DIP2C: variants seen among roughly 807,000 people sequenced by gnomAD.
The protein encoded by DIP2C is DIP2 acetate--CoA ligase C (putative).
In DIP2C, 33 loss-of-function variants were observed where a neutral mutation model predicts 192.4. The observed-to-expected ratio is 0.17, with a 90% CI of 0.13 to 0.23. The LOEUF is 0.23. DIP2C is among the 10% of genes least tolerant of loss of function. DIP2C has a pLI of 1.00. For synonymous variants in DIP2C, 979 were observed against 864.1 expected, an observed-to-expected ratio of 1.13 and a Z score of -2.33; for missense variants, 1,537 against 2,110.1, an observed-to-expected ratio of 0.73 and a Z score of 5.32.
chr10:431,763 T>C (rs896357326), intron 4 of DIP2C, among the ~76,000 whole-genome samples: 1 of 152,236 alleles, frequency 6.6e-6, no homozygotes, highest in African/African-American at 2.4e-5. Context: ...CTAGGACTTC[T>C]AGTACAATGT....
At chr10:527,491 T>C (rs557267937) in intron 1 of DIP2C, among the ~76,000 whole-genome samples, 1 of 152,350 alleles carries the variant, frequency 6.6e-6, no homozygotes, top group Admixed American at 6.5e-5. Context: ...TATTCCCTCA[T>C]TTCTACTTGC....
intron 1 of DIP2C, among the ~76,000 whole-genome samples, chr10:622,620 C>T (rs1049599529): frequency 6.6e-6 from 1 of 152,176 alleles, no homozygotes; most frequent in Non-Finnish European, 1.5e-5. Flanking sequence ...CTTGCCCTTT[C>T]GCCGATGGGC....
At chr10:430,872 ATC>A (rs1338322419) in intron 4 of DIP2C, among the ~76,000 whole-genome samples, 1 of 152,132 alleles carries the variant, frequency 6.6e-6, no homozygotes, top group Non-Finnish European at 1.5e-5. Flanking sequence ...TGGCTCTGTG[ATC>A]TGTTTAATTT....
At chr10:604,546 C>G (rs1392294138) in intron 1 of DIP2C, among the ~76,000 whole-genome samples, 1 of 152,226 alleles carries the variant, frequency 6.6e-6, no homozygotes, top group African/African-American at 2.4e-5. Context: ...GCGTCATGAG[C>G]GCAAGCGTGC....
At chr10:347,987 G>A (rs563291316) in intron 26 of DIP2C, among the ~76,000 whole-genome samples, 140 of 136,966 alleles carry the variant, frequency 1.0e-3, no homozygotes, top group Non-Finnish European at 1.5e-3. Context: ...ACACCCAGAT[G>A]CGTCGCGCAT....
intron 31 of DIP2C, among the ~76,000 whole-genome samples, chr10:315,446 C>T (rs1281910515): frequency 6.6e-6 from 1 of 152,296 alleles, no homozygotes; most frequent in South Asian, 2.1e-4. Context: ...TAAGTATCTG[C>T]TTTTCTCTTC....
chr10:274,317 T>C lies in DIP2C; in HGVS notation c.*3008A>G, dbSNP rs1390738462. ...TGCCCACATCAAAATTTAAACATTTTTCAAAGTATGATTATCTGTACTAAG... is the reference window on the plus strand; with the variant it reads ...TGCCCACATCAAAATTTAAACATTTCTCAAAGTATGATTATCTGTACTAAG... On this transcript the variant is annotated 3_prime_UTR_variant, in exon 37 of 37. Transcript: ENST00000280886. The C allele has an allele frequency of 6.6e-6, 1 of 152,240 alleles. No individual in the cohort carries two copies. The highest frequency in any genetic ancestry group is 2.4e-5 in the African/African-American group (1 of 41,468). 9.4% of individuals were successfully genotyped at this position (152,240 alleles called of 1,614,324 possible). A position where few individuals can be genotyped will look rare whatever the true frequency, so the allele number is the denominator to read the frequency against.
At chr10:343,517 G>A (rs1052883491) in intron 28 of DIP2C, among the ~76,000 whole-genome samples, 1 of 152,170 alleles carries the variant, frequency 6.6e-6, no homozygotes, top group Non-Finnish European at 1.5e-5. Flanking sequence ...TTTCGTAACT[G>A]TTTTACTATA....
At chr10:299,244 G>GT (rs1456938559) in intron 32 of DIP2C, among the ~76,000 whole-genome samples, 2 of 152,152 alleles carry the variant, frequency 1.3e-5, no homozygotes, top group African/African-American at 4.8e-5. Flanking sequence ...TTACAGAACA[G>GT]TTATCAGTTT....
intron 9 of DIP2C, among the ~76,000 whole-genome samples, chr10:407,122 T>A (rs1964862689): frequency 6.6e-6 from 1 of 152,172 alleles, no homozygotes; most frequent in South Asian, 2.1e-4. Context: ...CAGCTCTGCG[T>A]GAATCACTTT....
intron 4 of DIP2C, among the ~76,000 whole-genome samples, chr10:439,054 C>G (rs781415270): frequency 6.6e-6 from 1 of 152,152 alleles, no homozygotes; most frequent in Non-Finnish European, 1.5e-5. Context: ...CCATGTTTTC[C>G]GGGCTGGTCT....
At chr10:464,036 A>G (rs1291131409) in intron 3 of DIP2C, among the ~76,000 whole-genome samples, 2 of 152,238 alleles carry the variant, frequency 1.3e-5, no homozygotes, top group Non-Finnish European at 2.9e-5. Context: ...TAAAACCATA[A>G]AAACTCTACA....
At chr10:386,074 G>A (rs1962874362) in intron 14 of DIP2C, among the ~76,000 whole-genome samples, 1 of 152,186 alleles carries the variant, frequency 6.6e-6, no homozygotes, top group African/African-American at 2.4e-5. Context: ...CCTCAGAGAG[G>A]CGGCCCCGCG....
chr10:647,733 G>C (rs1371788991), intron 1 of DIP2C, among the ~76,000 whole-genome samples: 1 of 149,488 alleles, frequency 6.7e-6, no homozygotes, highest in Non-Finnish European at 1.5e-5. Flanking sequence ...GAGAACAGAG[G>C]GAAACTGAGT....
intron 33 of DIP2C, among the ~76,000 whole-genome samples, 169 bp downstream of exon 33, chr10:288,195 A>G (rs757420764): frequency 1.3e-5 from 2 of 151,350 alleles, no homozygotes; most frequent in Non-Finnish European, 2.9e-5. Flanking sequence ...AAAAAAGTCT[A>G]ACTTGTTTAA....
intron 1 of DIP2C, among the ~76,000 whole-genome samples, chr10:604,145 G>A (rs745452541): frequency 2.0e-5 from 3 of 151,536 alleles, no homozygotes; most frequent in Admixed American, 6.6e-5. Context: ...GGACCCACCT[G>A]GACAATCCAG....
intron 32 of DIP2C, 144 bp from the exon 33 acceptor site, chr10:288,565 AAG>A: frequency 1.2e-6 from 1 of 824,178 alleles, no homozygotes; most frequent in Non-Finnish European, 2.0e-6. Context: ...AAGCTGCAGA[AAG>A]AGCAGCCCAG....
At chr10:366,213 G>A (rs1283976282) in intron 19 of DIP2C, 62 bp downstream of exon 19, 4 of 1,590,534 alleles carry the variant, frequency 2.5e-6, no homozygotes, top group Non-Finnish European at 3.4e-6. Context: ...TATGCACCTG[G>A]CAAGGGCTCT....
chr10:487,567 G>GTTTTTTTTTTT (rs71376836), intron 1 of DIP2C, among the ~76,000 whole-genome samples: 1 of 54,164 alleles, frequency 1.8e-5, no homozygotes, highest in Non-Finnish European at 3.1e-5. Flanking sequence ...ATCAATGAGT[G>GTTTTTTTTTTT]TTTTTTTTTT....
Sources: allele counts gnomAD v4.1 joint callset (sites outside exome capture counted in the v4.1 genomes callset), GRCh38; gene constraint gnomAD v4.1.1; transcripts MANE v1.5; gene names NCBI Gene and HGNC (gene_info 2026-07-23, HGNC 2026-07-21).